PPP1R13B: variants seen among roughly 807,000 people sequenced by gnomAD.
PPP1R13B encodes apoptosis-stimulating of p53 protein 1.
In PPP1R13B, 44 loss-of-function variants were observed where a neutral mutation model predicts 119.8. The observed-to-expected ratio is 0.37, with a 90% CI of 0.29 to 0.47. The LOEUF (loss-of-function observed/expected upper bound fraction) is 0.47. Ranked by LOEUF, PPP1R13B falls within the 20% of genes least tolerant of loss-of-function variation. The pLI is 0.99. For missense variants in PPP1R13B, 1,227 were observed against 1,413.5 expected (o/e 0.87, Z 2.12); for synonymous variants, 542 against 561.5 (o/e 0.97, Z 0.49).
At chr14:103,756,935 A>C (rs1336860369) in intron 5 of PPP1R13B, among the ~76,000 whole-genome samples, 3 of 151,450 alleles carry the variant, frequency 2.0e-5, no homozygotes, top group Non-Finnish European at 4.4e-5. Context: ...ATTTTTTTTA[A>C]ATATTTTTAG....
intron 3 of PPP1R13B, among the ~76,000 whole-genome samples, chr14:103,783,098 G>A (rs973845023): frequency 2.0e-5 from 3 of 150,828 alleles, no homozygotes; most frequent in East Asian, 4.0e-4. Flanking sequence ...GAACCAGCAC[G>A]CCTAGCCAAG....
chr14:103,734,541 G>A lies in PPP1R13B; in HGVS notation c.*613C>T. On this transcript the variant is annotated 3_prime_UTR_variant, in exon 17 of 17. Transcript: ENST00000202556. Reference sequence around the variant, plus strand: ...GCAGTCCAGCCACAGTGCTGGGCCTGCACAATCAGCCTTTAGGTGAACTGG... The same window carrying A: ...GCAGTCCAGCCACAGTGCTGGGCCTACACAATCAGCCTTTAGGTGAACTGG... 2.2e-6 allele frequency: 1 copy of A among 456,424 alleles called. No homozygotes were observed. 28.3% of individuals were successfully genotyped at this position (456,424 alleles called of 1,614,324 possible). A position where few individuals can be genotyped will look rare whatever the true frequency, so the allele number is the denominator to read the frequency against.
rs755783209 is a variant in PPP1R13B at position 103,749,806 on chromosome 14, C to G, written c.957G>C (p.Gly319=). ...CTTTTTCACATGCCTGAATTTTTTTCCCATAGAGACGTTCACGCAGTTCAC... is the reference window on the plus strand; with the variant it reads ...CTTTTTCACATGCCTGAATTTTTTTGCCATAGAGACGTTCACGCAGTTCAC... ...RISELRERLY[G]KKIQLNRVNG... Residue 319 remains glycine, a synonymous_variant, in exon 8 of 17, where the codon GGG becomes GGC. Coordinates refer to ENST00000202556, the MANE Select transcript of PPP1R13B (RefSeq NM_015316.3). The G allele has an allele frequency of 1.9e-6, 3 of 1,609,468 alleles. No homozygotes were observed. Among genetic ancestry groups the G allele is most frequent in the Non-Finnish European group, 2.5e-6 (3 of 1,178,650 alleles).
rs1289784619 is a variant in PPP1R13B at position 103,742,491 on chromosome 14, A to G, written c.1320+163T>C. Reference sequence around the variant, plus strand: ...AGGTGTGTGTACTCGTGGGCTGCTCAGGCTCTTAGGGCCCAGTAACCCTCT... The same window carrying G: ...AGGTGTGTGTACTCGTGGGCTGCTCGGGCTCTTAGGGCCCAGTAACCCTCT... On this transcript the variant is annotated intron_variant, in intron 10 of 16. Coordinates refer to ENST00000202556, the MANE Select transcript of PPP1R13B (RefSeq NM_015316.3). The surrounding 1 kb of genome is among the most constrained non-coding windows in gnomAD (Gnocchi z 4.9). Among the ~76,000 whole-genome samples, 2 of 152,206 alleles carry G rather than the reference A, an allele frequency of 1.3e-5. No individual in the cohort carries two copies. The highest frequency in any genetic ancestry group is 4.8e-5 in the African/African-American group (2 of 41,456).
At chr14:103,798,213 G>A (rs1012355552) in intron 1 of PPP1R13B, among the ~76,000 whole-genome samples, 16 of 148,568 alleles carry the variant, frequency 1.1e-4, no homozygotes, top group South Asian at 1.1e-3. Flanking sequence ...GTGCAGTGGC[G>A]CGATCTCGGC....
At chr14:103,795,181 A>G (rs1050034537) in intron 2 of PPP1R13B, among the ~76,000 whole-genome samples, 1 of 151,894 alleles carries the variant, frequency 6.6e-6, no homozygotes, top group African/African-American at 2.4e-5. Flanking sequence ...CAAGTGATCC[A>G]CCCGCCTTGG....
At chr14:103,791,295 C>T (rs1411440705) in intron 2 of PPP1R13B, among the ~76,000 whole-genome samples, 2 of 151,996 alleles carry the variant, frequency 1.3e-5, no homozygotes, top group Non-Finnish European at 2.9e-5. Flanking sequence ...CTAGCTTTGT[C>T]TTATTTAACA....
intron 4 of PPP1R13B, among the ~76,000 whole-genome samples, chr14:103,772,365 G>T (rs1182108408): frequency 3.3e-5 from 5 of 152,218 alleles, no homozygotes; most frequent in Admixed American, 6.5e-5. Flanking sequence ...TTTAAGAGTA[G>T]AGTTGTTGGG....
intron 1 of PPP1R13B, among the ~76,000 whole-genome samples, chr14:103,828,006 A>C (rs1297552703): frequency 6.6e-6 from 1 of 152,178 alleles, no homozygotes; most frequent in African/African-American, 2.4e-5. Flanking sequence ...CCAGAGGCAA[A>C]TAACCAACCA....
At chr14:103,808,890 A>G (rs2086082090) in intron 1 of PPP1R13B, among the ~76,000 whole-genome samples, 1 of 152,052 alleles carries the variant, frequency 6.6e-6, no homozygotes, top group African/African-American at 2.4e-5. Flanking sequence ...TTTTTTAGAG[A>G]CAGGATCTTG....
At chr14:103,770,040 G>A (rs189189697) in intron 4 of PPP1R13B, among the ~76,000 whole-genome samples, 23 of 151,482 alleles carry the variant, frequency 1.5e-4, no homozygotes, top group Admixed American at 1.4e-3. Context: ...TGCTATTTTA[G>A]TCTATAAATG....
At position 103,784,815 on chromosome 14, in the gene PPP1R13B, G is replaced by C; in HGVS notation, c.257C>G (p.Pro86Arg). ...VKFFLRHEDS[P>R]TENSEQGGRQ... ...TCTACCTTGTTCACTGTTCTCAGTT[G>C]GGGAGTCCTCGTGTCGAAGGAAAAA... Residue 86 changes from proline to arginine, a missense_variant, in exon 3 of 17, where the codon CCA becomes CGA. Coordinates refer to ENST00000202556, the MANE Select transcript of PPP1R13B (RefSeq NM_015316.3). The C allele has an allele frequency of 6.2e-7, 1 of 1,608,850 alleles. No homozygotes were observed. Among genetic ancestry groups the C allele is most frequent in the South Asian group, 1.1e-5 (1 of 90,670 alleles).
chr14:103,825,569 T>C (rs537905941), intron 1 of PPP1R13B, among the ~76,000 whole-genome samples: 18 of 152,300 alleles, frequency 1.2e-4, no homozygotes, highest in African/African-American at 3.8e-4. Flanking sequence ...AAATGAGCTA[T>C]AACATTCCCT....
At chr14:103,802,094 C>T in intron 1 of PPP1R13B, among the ~76,000 whole-genome samples, 2 of 152,156 alleles carry the variant, frequency 1.3e-5, no homozygotes, top group East Asian at 3.8e-4. Flanking sequence ...TCAGAAACAA[C>T]TGGAATATAG....
At chr14:103,768,817 T>A (rs543017451) in intron 4 of PPP1R13B, among the ~76,000 whole-genome samples, 1 of 152,018 alleles carries the variant, frequency 6.6e-6, no homozygotes, top group African/African-American at 2.4e-5. Flanking sequence ...TGATCCACCC[T>A]CCTTGGCCTC....
chr14:103,815,613 T>C (rs2086258969), intron 1 of PPP1R13B, among the ~76,000 whole-genome samples: 1 of 151,622 alleles, frequency 6.6e-6, no homozygotes, highest in Non-Finnish European at 1.5e-5. Context: ...AAAATTATCC[T>C]GCACGGTGGC....
chr14:103,738,616 C>A lies in PPP1R13B; in HGVS notation c.2864+63G>T. The A allele has an allele frequency of 6.3e-7, 1 of 1,599,500 alleles. No individual in the cohort carries two copies. The highest frequency in any genetic ancestry group is 8.6e-7 in the Non-Finnish European group (1 of 1,169,556). ...TGCTTCCTAATTGTCTAGAACACGC[C>A]TGTTTTCCTTATGCAAAGCAGGGAA... On this transcript the variant is annotated intron_variant, in intron 14 of 16. Transcript: ENST00000202556. The surrounding 1 kb of genome is among the most constrained non-coding windows in gnomAD (Gnocchi z 5.6).
chr14:103,840,320 T>C (rs1567164784), intron 1 of PPP1R13B, among the ~76,000 whole-genome samples: 5 of 152,256 alleles, frequency 3.3e-5, no homozygotes, highest in Admixed American at 2.0e-4. Context: ...CAACCAGTTA[T>C]ATAACTTCAA....
intron 1 of PPP1R13B, among the ~76,000 whole-genome samples, chr14:103,805,199 C>T (rs531225615): frequency 2.0e-5 from 3 of 152,198 alleles, no homozygotes; most frequent in East Asian, 3.9e-4. Context: ...AGGTACCTAC[C>T]CTGGGGAAAT....
Sources: gnomAD v4.1 joint callset for allele counts (sites outside exome capture counted in the v4.1 genomes callset) on GRCh38, gnomAD v4.1.1 for gene constraint, Gnocchi (gnomAD v3.1) non-coding constraint, MANE v1.5 for transcripts, NCBI Gene and HGNC (gene_info 2026-07-23, HGNC 2026-07-21) for gene names.